DIP2C: variants seen among roughly 807,000 people sequenced by gnomAD.
The protein encoded by DIP2C is DIP2 acetate--CoA ligase C (putative), also known as disco-interacting protein 2 homolog C.
A neutral mutation model predicts 192.4 loss-of-function variants in DIP2C; 33 were observed. The ratio of observed to expected loss-of-function variants is 0.17; its 90% CI spans 0.13 to 0.23. The LOEUF (loss-of-function observed/expected upper bound fraction) is 0.23. Among genes scored for constraint, DIP2C ranks in the 10% least tolerant of loss-of-function variants. The probability of loss-of-function intolerance (pLI) is 1.00; values close to 1 mark genes in which losing one functional copy is unlikely to be tolerated. For synonymous variants in DIP2C, 979 were observed against 864.1 expected (o/e 1.13, Z -2.33); for missense variants, 1,537 against 2,110.1 (o/e 0.73, Z 5.32).
At position 375,732 on chromosome 10, in the gene DIP2C, AAAAC is replaced by A. The variant is rs1422739546; in HGVS notation, c.1992-6103_1992-6100del. On this transcript the variant is annotated intron_variant, in intron 17 of 36. Coordinates refer to ENST00000280886, the MANE Select transcript of DIP2C (RefSeq NM_014974.3). The stretch of plus-strand genomic sequence containing the variant: ...CAGGCCAGGCTTGGGACATTCACAC[AAAAC>A]AAACACATCAAGTAGTGAACAAGCC... Among the ~76,000 whole-genome samples, 6 of 152,170 alleles carry A rather than the reference AAAAC, an allele frequency of 3.9e-5. 1 individual carries two copies. The highest frequency in any genetic ancestry group is 7.2e-5 in the African/African-American group (3 of 41,432).
At chr10:381,980 C>T (rs746556088) in intron 17 of DIP2C, among the ~76,000 whole-genome samples, 4 of 152,148 alleles carry the variant, frequency 2.6e-5, no homozygotes, top group East Asian at 1.9e-4. Context: ...ATATTTAGGC[C>T]GTCAGTGGCA....
chr10:300,484 C>T (rs1317251863), intron 32 of DIP2C, among the ~76,000 whole-genome samples: 6 of 151,940 alleles, frequency 3.9e-5, no homozygotes, highest in Admixed American at 6.6e-5. Context: ...TACCAGGGGC[C>T]GAGAAAAGAG....
intron 9 of DIP2C, 45 bp from the exon 10 acceptor site, chr10:399,264 G>A (rs769397964): frequency 2.0e-6 from 3 of 1,528,104 alleles, no homozygotes; most frequent in African/African-American, 1.4e-5. Context: ...TGGGGTCCTG[G>A]CTTCCTAAGA....
At chr10:612,608 C>T (rs1588602124) in intron 1 of DIP2C, among the ~76,000 whole-genome samples, 2 of 152,184 alleles carry the variant, frequency 1.3e-5, no homozygotes, top group African/African-American at 2.4e-5. Flanking sequence ...TATTCCTCTA[C>T]GTCCTTTGAA....
chr10:338,782 C>T (rs764960084), intron 29 of DIP2C, among the ~76,000 whole-genome samples: 3 of 152,116 alleles, frequency 2.0e-5, no homozygotes, highest in South Asian at 2.1e-4. Flanking sequence ...GCACTGCCCA[C>T]GCCACCTGCA....
intron 1 of DIP2C, among the ~76,000 whole-genome samples, chr10:614,187 C>T (rs1166596949): frequency 6.6e-6 from 1 of 152,212 alleles, no homozygotes; most frequent in Non-Finnish European, 1.5e-5. Flanking sequence ...CTGGGTTCCA[C>T]GGTGGCTAGG....
chr10:364,623 C>A, intron 19 of DIP2C, 41 bp from the exon 20 acceptor site: 2 of 1,597,914 alleles, frequency 1.3e-6, no homozygotes, highest in South Asian at 2.2e-5. Context: ...TTCATGTGGT[C>A]AGCTGGTTTT....
intron 1 of DIP2C, chr10:649,914 G>A (rs536939325): frequency 4.7e-4 from 272 of 580,736 alleles, no homozygotes; most frequent in Admixed American, 1.2e-3. Context: ...CGTCACCTGC[G>A]TCCCCGTGCG....
At chr10:475,423 C>A (rs764849576) in intron 2 of DIP2C, among the ~76,000 whole-genome samples, 28 of 152,146 alleles carry the variant, frequency 1.8e-4, no homozygotes, top group Non-Finnish European at 2.8e-4. Context: ...AATGTTTCAC[C>A]TTCAATCTCA....
At chr10:298,131 T>C (rs886916419) in intron 32 of DIP2C, among the ~76,000 whole-genome samples, 4 of 152,216 alleles carry the variant, frequency 2.6e-5, no homozygotes, top group Non-Finnish European at 5.9e-5. Context: ...ATCCCCTTCC[T>C]GTCCCAGGAT....
rs113904879 is a variant in DIP2C, at chr10:647,812, A to C, written c.85+41682T>G. Among the ~76,000 whole-genome samples, 11 of 140,764 alleles carry C rather than the reference A, an allele frequency of 7.8e-5. No individual in the cohort carries two copies. In the East Asian group the frequency reaches 8.9e-4, roughly 11 times the overall value. 92.3% of individuals were successfully genotyped at this position (140,764 alleles called of 152,430 possible). On this transcript the variant is annotated intron_variant, in intron 1 of 36. Coordinates refer to ENST00000280886, the MANE Select transcript of DIP2C (RefSeq NM_014974.3). ...GTCCACGTCCACATTGGATGGTGGG[A>C]GAGAACAGAGGGAAACTGAGTCCAC...
chr10:464,025 G>A (rs116363843), intron 3 of DIP2C, among the ~76,000 whole-genome samples: 2,383 of 152,032 alleles, frequency 0.016, 68 homozygotes, highest in African/African-American at 0.054. Flanking sequence ...AACGTAAGAC[G>A]TAAAACCATA....
At chr10:493,159 T>C (rs945985538) in intron 1 of DIP2C, among the ~76,000 whole-genome samples, 3 of 152,258 alleles carry the variant, frequency 2.0e-5, no homozygotes, top group African/African-American at 7.2e-5. Context: ...GCAGTCATCC[T>C]GGCCAGTGGG....
chr10:456,571 T>G (rs943675463), intron 3 of DIP2C, among the ~76,000 whole-genome samples: 1 of 152,198 alleles, frequency 6.6e-6, no homozygotes, highest in African/African-American at 2.4e-5. Context: ...TCCTCCTGGT[T>G]AGTGTGACCC....
At chr10:368,350 T>C (rs1960538026) in intron 18 of DIP2C, among the ~76,000 whole-genome samples, 1 of 152,246 alleles carries the variant, frequency 6.6e-6, no homozygotes, top group Admixed American at 6.5e-5. Flanking sequence ...GATTTCACCA[T>C]GCAGTTCCAT....
chr10:473,671 G>A (rs147389540), intron 2 of DIP2C, among the ~76,000 whole-genome samples: 9 of 151,550 alleles, frequency 5.9e-5, no homozygotes, highest in African/African-American at 1.2e-4. Flanking sequence ...ATCCTACGTC[G>A]TCCCCACAGT....
At chr10:375,533 C>T (rs901945904) in intron 17 of DIP2C, among the ~76,000 whole-genome samples, 3 of 152,200 alleles carry the variant, frequency 2.0e-5, no homozygotes, top group Admixed American at 6.5e-5. Flanking sequence ...TGTGGCCTCA[C>T]GAGGAATGTA....
At position 363,791 on chromosome 10, in the gene DIP2C, A is replaced by C. The variant is rs1200965029; in HGVS notation, c.2478-480T>G. Among the ~76,000 whole-genome samples, 2 of 152,240 alleles carry C rather than the reference A, an allele frequency of 1.3e-5. No homozygotes were observed. The highest frequency in any genetic ancestry group is 3.8e-4 in the East Asian group (2 of 5,198). On this transcript the variant is annotated intron_variant, in intron 20 of 36. Coordinates refer to ENST00000280886, the MANE Select transcript of DIP2C (RefSeq NM_014974.3). This position sits in a 1 kb window ranked among gnomAD's most constrained non-coding sequence, Gnocchi z 5.4. ...CCAGTAAAAGAGATTGTAGCTGTAA[A>C]GATAATTCAAAGGCAGCAACATCAT...
intron 32 of DIP2C, among the ~76,000 whole-genome samples, chr10:289,747 G>A (rs377133150): frequency 3.9e-4 from 59 of 152,312 alleles, no homozygotes; most frequent in African/African-American, 1.2e-3. Context: ...AGCCCTCTGC[G>A]TGGCACGAGG....
Sources: allele counts gnomAD v4.1 joint callset (sites outside exome capture counted in the v4.1 genomes callset), GRCh38; gene constraint gnomAD v4.1.1; non-coding constraint Gnocchi (gnomAD v3.1); transcripts MANE v1.5; gene names NCBI Gene and HGNC (gene_info 2026-07-23, HGNC 2026-07-21).